The following TENM2 variants were observed in gnomAD, a reference collection of about 807,000 sequenced individuals.
TENM2 encodes teneurin transmembrane protein 2, also known as teneurin-2.
Under a neutral mutation model 245.2 loss-of-function variants are expected in TENM2, and 52 were observed. That is an observed-to-expected ratio of 0.21 (90% CI 0.17 to 0.27). TENM2 has a LOEUF of 0.27. TENM2 is among the 10% of genes least tolerant of loss of function. The probability of loss-of-function intolerance (pLI) is 1.00; values close to 1 mark genes in which losing one functional copy is unlikely to be tolerated. For synonymous variants in TENM2, 1,363 were observed against 1,438.9 expected (o/e 0.95, Z 1.19); for missense variants, 3,046 against 3,666.8 (o/e 0.83, Z 4.37).
At chr5:168,260,225 G>T in intron 27 of TENM2, 58 bp from the exon 30 acceptor site, 1 of 1,595,152 alleles carries the variant, frequency 6.3e-7, no homozygotes. Context: ...TTTAAGCTCT[G>T]CTGCTGCTCT....
At chr5:167,135,023 C>T in the TENM2 span, among the ~76,000 whole-genome samples, 10 of 152,142 alleles carry the variant, frequency 6.6e-5, no homozygotes, top group African/African-American at 2.2e-4. Flanking sequence ...GAAGTGTGTG[C>T]GGTGAATTGC....
chr5:167,397,467 G>C (rs1439062173), intron 2 of TENM2, among the ~76,000 whole-genome samples: 1 of 152,108 alleles, frequency 6.6e-6, no homozygotes, highest in Non-Finnish European at 1.5e-5. Flanking sequence ...ATGGACCCGT[G>C]ATTGATAGGT....
intron 1 of TENM2, among the ~76,000 whole-genome samples, chr5:167,372,088 TA>T (rs780606491): frequency 1.3e-5 from 2 of 151,450 alleles, no homozygotes; most frequent in African/African-American, 4.9e-5. Flanking sequence ...AAGGTAATTT[TA>T]AAAAAAAATC....
At chr5:166,988,930 T>A in the TENM2 span, among the ~76,000 whole-genome samples, 1 of 152,204 alleles carries the variant, frequency 6.6e-6, no homozygotes, top group Admixed American at 6.5e-5. Flanking sequence ...CAACTCCCTT[T>A]CTACTAGGCA....
At position 167,563,838 on chromosome 5, in the gene TENM2, G is replaced by T. The variant is rs149997518; in HGVS notation, c.502+188365G>T. Among the ~76,000 whole-genome samples, 1,265 of 152,302 alleles carry T rather than the reference G, an allele frequency of 8.3e-3. 16 individuals carry two copies. The highest frequency in any genetic ancestry group is 0.028 in the African/African-American group (1,178 of 41,560). On this transcript the variant is annotated intron_variant, in intron 2 of 28. Transcript: ENST00000518659. ...TTCAGGACAGTAACATGCTGTACCG[G>T]TTTGAAGCCTGGTAGCAACAGGCTA...
the TENM2 span, among the ~76,000 whole-genome samples, chr5:167,229,673 C>A: frequency 6.6e-6 from 1 of 152,080 alleles, no homozygotes; most frequent in Non-Finnish European, 1.5e-5. Flanking sequence ...GCTCAGCATC[C>A]CCATGTTCCT....
chr5:167,534,305 T>C (rs1771706040), intron 2 of TENM2, among the ~76,000 whole-genome samples: 1 of 152,178 alleles, frequency 6.6e-6, no homozygotes, highest in Admixed American at 6.6e-5. Context: ...GAGTCAGGCT[T>C]GGAGACAAGA....
intron 2 of TENM2, among the ~76,000 whole-genome samples, chr5:167,853,332 T>G (rs115849685): frequency 7.2e-6 from 1 of 138,230 alleles, no homozygotes; most frequent in African/African-American, 2.7e-5. Context: ...CGGGCTCTAT[T>G]TGAGAATGTT....
At chr5:167,102,575 C>T in the TENM2 span, among the ~76,000 whole-genome samples, 1 of 152,214 alleles carries the variant, frequency 6.6e-6, no homozygotes, top group Non-Finnish European at 1.5e-5. Context: ...TAAATAGGTG[C>T]AGTCTAGCAC....
chr5:167,147,537 A>T, the TENM2 span, among the ~76,000 whole-genome samples: 40,369 of 152,032 alleles, frequency 0.27, 7,407 homozygotes, highest in African/African-American at 0.52. Flanking sequence ...TAAGATGTAT[A>T]TAGGTGGCCA....
chr5:167,163,177 G>T, the TENM2 span, among the ~76,000 whole-genome samples: 2,551 of 152,214 alleles, frequency 0.017, 61 homozygotes, highest in African/African-American at 0.057. Flanking sequence ...ATTATAACCC[G>T]CTGCAGCCTC....
At chr5:167,794,591 T>C (rs1434295350) in intron 2 of TENM2, among the ~76,000 whole-genome samples, 1 of 152,160 alleles carries the variant, frequency 6.6e-6, no homozygotes, top group African/African-American at 2.4e-5. Flanking sequence ...AAGAGTAAGA[T>C]CTGGAAGAGT....
At chr5:167,429,967 A>T (rs1764117180) in intron 2 of TENM2, among the ~76,000 whole-genome samples, 1 of 152,124 alleles carries the variant, frequency 6.6e-6, no homozygotes, top group Non-Finnish European at 1.5e-5. Context: ...CTGGGAGAAG[A>T]TAGCATGGCC....
chr5:167,263,517 C>G, the TENM2 span, among the ~76,000 whole-genome samples: 2 of 152,136 alleles, frequency 1.3e-5, no homozygotes, highest in Non-Finnish European at 2.9e-5. Flanking sequence ...ACCCATTATT[C>G]TTTATATCTC....
chr5:167,684,330 G>T (rs1003835786), intron 2 of TENM2, among the ~76,000 whole-genome samples: 1 of 152,184 alleles, frequency 6.6e-6, no homozygotes, highest in Non-Finnish European at 1.5e-5. Context: ...CAAAGCAGGA[G>T]GCTTTTGCAT....
the TENM2 span, among the ~76,000 whole-genome samples, chr5:166,996,253 G>A: frequency 6.6e-6 from 1 of 152,134 alleles, no homozygotes; most frequent in African/African-American, 2.4e-5. Flanking sequence ...TGAGGCAGGA[G>A]AATGGCGTGA....
At chr5:167,907,002 G>A (rs1776136448) in intron 3 of TENM2, among the ~76,000 whole-genome samples, 1 of 152,172 alleles carries the variant, frequency 6.6e-6, no homozygotes. Flanking sequence ...GGAGGCTGAG[G>A]CAGGCGGATC....
chr5:167,805,148 C>T (rs1766062184), intron 2 of TENM2, among the ~76,000 whole-genome samples: 1 of 152,104 alleles, frequency 6.6e-6, no homozygotes, highest in South Asian at 2.1e-4. Flanking sequence ...GTAAGAGGGG[C>T]ATTGTCTGAA....
At chr5:167,677,111 C>T (rs1756383367) in intron 2 of TENM2, among the ~76,000 whole-genome samples, 1 of 152,118 alleles carries the variant, frequency 6.6e-6, no homozygotes. Context: ...GTCTCTTTCT[C>T]AGTTCCTAGT....
Sources: gnomAD v4.1 joint callset for allele counts (sites outside exome capture counted in the v4.1 genomes callset) on GRCh38, gnomAD v4.1.1 for gene constraint, MANE v1.5 for transcripts, NCBI Gene and HGNC (gene_info 2026-07-23, HGNC 2026-07-21) for gene names.